ARHGAP15: variants seen among roughly 807,000 people sequenced by gnomAD.
ARHGAP15 encodes the protein Rho GTPase activating protein 15, also known as rho GTPase-activating protein 15.
Under a neutral mutation model 63.7 loss-of-function variants are expected in ARHGAP15, and 51 were observed. The observed-to-expected ratio is 0.80, with a 90% CI of 0.64 to 1.01. The LOEUF (loss-of-function observed/expected upper bound fraction) is 1.01. Ranked by LOEUF, ARHGAP15 falls within the 50% of genes least tolerant of loss-of-function variation. ARHGAP15 has a pLI of 0.00. For synonymous variants in ARHGAP15, 191 were observed against 193.8 expected (o/e 0.99, Z 0.12); for missense variants, 560 against 564.6 (o/e 0.99, Z 0.08).
intron 11 of ARHGAP15, chr2:143,571,658 A>G (rs904148430): frequency 1.3e-5 from 2 of 152,154 alleles, no homozygotes; most frequent in African/African-American, 4.8e-5. Flanking sequence ...CCATCTCCTC[A>G]TCCTTTCTAC....
chr2:143,612,605 G>A (rs1188907115), intron 11 of ARHGAP15, among the ~76,000 whole-genome samples: 1 of 152,216 alleles, frequency 6.6e-6, no homozygotes, highest in Non-Finnish European at 1.5e-5. Context: ...CAACCACAGA[G>A]GCGAGGCTCA....
Position 143,579,265 on chromosome 2 carries a change from A to G in ARHGAP15, c.1003+22780A>G, listed in dbSNP as rs150684893. On this transcript the variant is annotated intron_variant, in intron 11 of 13. Coordinates refer to ENST00000295095, the MANE Select transcript of ARHGAP15 (RefSeq NM_018460.4). ...TACATCGACTTCTCAGGATGGTTAA[A>G]TCAGAGAGTGTAAAGTTGCGATTAG... 9.5e-4 allele frequency among the ~76,000 whole-genome samples: 144 copies of G among 152,322 alleles called. 1 individual carries two copies. Among genetic ancestry groups the G allele is most frequent in the Middle Eastern group, 6.8e-3 (2 of 294 alleles).
chr2:143,575,942 A>G (rs945515485), intron 11 of ARHGAP15, among the ~76,000 whole-genome samples: 3 of 152,056 alleles, frequency 2.0e-5, no homozygotes, highest in Admixed American at 6.6e-5. Flanking sequence ...AGAGTGGAAT[A>G]CTCAATTTAG....
chr2:143,565,618 T>C (rs1574641093), intron 11 of ARHGAP15, among the ~76,000 whole-genome samples: 1 of 152,338 alleles, frequency 6.6e-6, no homozygotes, highest in East Asian at 1.9e-4. Context: ...GCACTTAATT[T>C]TAGACTGGAT....
intron 12 of ARHGAP15, among the ~76,000 whole-genome samples, chr2:143,680,351 G>T (rs1683045282): frequency 1.3e-5 from 2 of 152,206 alleles, no homozygotes; most frequent in Non-Finnish European, 2.9e-5. Context: ...AAAACTTGCA[G>T]CAATTGTAGC....
chr2:143,281,510 T>C (rs1681848097), intron 6 of ARHGAP15, among the ~76,000 whole-genome samples: 1 of 152,110 alleles, frequency 6.6e-6, no homozygotes, highest in African/African-American at 2.4e-5. Flanking sequence ...CCTGCAACAG[T>C]TCAGGTAGGA....
intron 10 of ARHGAP15, among the ~76,000 whole-genome samples, chr2:143,523,332 C>G (rs781153801): frequency 6.6e-5 from 10 of 152,050 alleles, no homozygotes; most frequent in Non-Finnish European, 1.3e-4. Flanking sequence ...TAATAAAAAG[C>G]AGGGAAATAC....
At chr2:143,360,166 G>C (rs185714360) in intron 6 of ARHGAP15, among the ~76,000 whole-genome samples, 1 of 151,738 alleles carries the variant, frequency 6.6e-6, no homozygotes, top group African/African-American at 2.4e-5. Flanking sequence ...ACTGCTAGAG[G>C]CCTGGAGTTA....
chr2:143,355,252 T>C (rs1685757726), intron 6 of ARHGAP15, among the ~76,000 whole-genome samples: 1 of 152,198 alleles, frequency 6.6e-6, no homozygotes, highest in Non-Finnish European at 1.5e-5. Flanking sequence ...ATTCTCCATA[T>C]ATTTTTATTA....
At chr2:143,387,897 A>G (rs1687365440) in intron 6 of ARHGAP15, among the ~76,000 whole-genome samples, 1 of 146,330 alleles carries the variant, frequency 6.8e-6, no homozygotes. Context: ...ACATACACAT[A>G]CACGCATGCC....
chr2:143,447,410 G>A (rs1325167298), intron 8 of ARHGAP15, among the ~76,000 whole-genome samples: 8 of 152,120 alleles, frequency 5.3e-5, no homozygotes, highest in Admixed American at 5.2e-4. Context: ...CCACTTATAA[G>A]GAGTAAACTG....
intron 6 of ARHGAP15, among the ~76,000 whole-genome samples, chr2:143,382,973 A>G (rs1687124316): frequency 6.6e-6 from 1 of 152,154 alleles, no homozygotes; most frequent in African/African-American, 2.4e-5. Context: ...GAAAAGAAAA[A>G]CTATCAAGCA....
intron 6 of ARHGAP15, among the ~76,000 whole-genome samples, chr2:143,348,982 C>G (rs1037062100): frequency 6.6e-6 from 1 of 152,074 alleles, no homozygotes; most frequent in Non-Finnish European, 1.5e-5. Context: ...AAATCTGTAA[C>G]TGTTCGATAA....
chr2:143,574,752 G>A (rs1398724348), intron 11 of ARHGAP15, among the ~76,000 whole-genome samples: 2 of 152,018 alleles, frequency 1.3e-5, no homozygotes, highest in Non-Finnish European at 2.9e-5. Flanking sequence ...ATATCTTTAG[G>A]TTTGGTTAAC....
chr2:143,204,988 T>C (rs2105120096), intron 3 of ARHGAP15, among the ~76,000 whole-genome samples: 1 of 150,508 alleles, frequency 6.6e-6, no homozygotes, highest in Admixed American at 6.6e-5. Context: ...AGTGGCCAGG[T>C]GTGGTGGCTC....
intron 2 of ARHGAP15, among the ~76,000 whole-genome samples, chr2:143,183,375 T>C (rs1021781469): frequency 6.6e-5 from 10 of 152,224 alleles, no homozygotes; most frequent in Non-Finnish European, 1.5e-4. Flanking sequence ...GTCTGTATTG[T>C]TGAAATTATA....
At chr2:143,400,936 C>T (rs144909990) in intron 6 of ARHGAP15, among the ~76,000 whole-genome samples, 24 of 152,090 alleles carry the variant, frequency 1.6e-4, no homozygotes, top group African/African-American at 5.3e-4. Context: ...TTTCATCTCT[C>T]CACATTCCAA....
intron 6 of ARHGAP15, among the ~76,000 whole-genome samples, chr2:143,371,142 A>G (rs1420550370): frequency 6.6e-6 from 1 of 152,224 alleles, no homozygotes; most frequent in Non-Finnish European, 1.5e-5. Context: ...AAGTAATTCA[A>G]ATATTATTGG....
At chr2:143,478,782 A>G (rs891056285) in intron 8 of ARHGAP15, among the ~76,000 whole-genome samples, 2 of 152,228 alleles carry the variant, frequency 1.3e-5, no homozygotes, top group African/African-American at 4.8e-5. Flanking sequence ...AATTATGTAT[A>G]ACTTATAATC....
Sources: gnomAD v4.1 joint callset for allele counts (sites outside exome capture counted in the v4.1 genomes callset) on GRCh38, gnomAD v4.1.1 for gene constraint, MANE v1.5 for transcripts, NCBI Gene and HGNC (gene_info 2026-07-23, HGNC 2026-07-21) for gene names.